DCBLD2: variants seen among roughly 807,000 people sequenced by gnomAD.
DCBLD2 encodes discoidin, CUB and LCCL domain-containing protein 2.
Under a neutral mutation model 86.8 loss-of-function variants are expected in DCBLD2, and 54 were observed. The observed-to-expected ratio is 0.62, with a 90% confidence interval of 0.50 to 0.78. DCBLD2 has a LOEUF of 0.78. Among genes scored for constraint, DCBLD2 ranks in the 30% least tolerant of loss-of-function variants. The probability of loss-of-function intolerance (pLI) is 0.00; values close to 1 mark genes in which losing one functional copy is unlikely to be tolerated. For missense variants in DCBLD2, 908 were observed against 954.2 expected (o/e 0.95, Z 0.64); for synonymous variants, 354 against 341.3 (o/e 1.04, Z -0.41).
At chr3:98,848,124 C>T (rs1367502946) in intron 3 of DCBLD2, among the ~76,000 whole-genome samples, 1 of 152,140 alleles carries the variant, frequency 6.6e-6, no homozygotes, top group Non-Finnish European at 1.5e-5. Context: ...CCTCTCCCAC[C>T]TCCCACCCTC....
intron 1 of DCBLD2, among the ~76,000 whole-genome samples, chr3:98,888,317 A>G (rs186583836): frequency 9.2e-5 from 14 of 152,106 alleles, no homozygotes; most frequent in African/African-American, 3.4e-4. Flanking sequence ...ACAAAACTGA[A>G]TAACATGAAG....
rs773093661 is a variant in DCBLD2, at chr3:98,817,833, A to G, written c.1148T>C (p.Ile383Thr). The G allele has an allele frequency of 1.4e-5, 22 of 1,613,592 alleles. No homozygotes were observed. The highest frequency in any genetic ancestry group is 1.7e-5 in the Non-Finnish European group (20 of 1,179,716). Residue 383 changes from isoleucine (I) to threonine (T), a missense_variant, in exon 9 of 16, where the codon ATC (isoleucine) becomes ACC (threonine). By Grantham distance (89) the Ile-to-Thr change is moderately conservative (BLOSUM62 -1). Coordinates refer to ENST00000326840, the MANE Select transcript of DCBLD2 (RefSeq NM_080927.4). ...EHNYYVSAYR[I>T]LYSDDGQKWT... ...TTTCTGCCCATCATCACTGTACAGG[A>G]TTCTGTAGGCAGACACATAGTAATT... is the stretch of plus-strand genomic sequence containing the variant.
chr3:98,880,882 T>C (rs1943456604), intron 2 of DCBLD2, among the ~76,000 whole-genome samples: 1 of 152,180 alleles, frequency 6.6e-6, no homozygotes, highest in Non-Finnish European at 1.5e-5. Context: ...CTATACTGTC[T>C]CCTAAGCATT....
At position 98,868,684 on chromosome 3, in the gene DCBLD2, C is replaced by G. The variant is rs140125822; in HGVS notation, c.433+12856G>C. 5.3e-3 allele frequency among the ~76,000 whole-genome samples: 812 copies of G among 152,218 alleles called. 7 individuals are homozygous for G. The highest frequency in any genetic ancestry group is 0.019 in the African/African-American group (769 of 41,536). On this transcript the variant is annotated intron_variant, in intron 2 of 15. Coordinates refer to ENST00000326840, the MANE Select transcript of DCBLD2 (RefSeq NM_080927.4). ...TTATTTATCCACAAGGTTAGTCCCC[C>G]CTTGTGAGAACATATGGTACTTGGT... is the stretch of plus-strand genomic sequence containing the variant.
intron 3 of DCBLD2, among the ~76,000 whole-genome samples, chr3:98,840,268 TG>T (rs1367358366): frequency 6.6e-6 from 1 of 152,350 alleles, no homozygotes; most frequent in African/African-American, 2.4e-5. Flanking sequence ...AGTCAGATTC[TG>T]GTACATGTAC....
chr3:98,801,606 G>T lies in DCBLD2; in HGVS notation c.1714C>A (p.Arg572=). 6.2e-7 allele frequency: 1 copy of T among 1,609,256 alleles called. No homozygotes were observed. The highest frequency in any genetic ancestry group is 8.5e-7 in the Non-Finnish European group (1 of 1,177,484). ...EGTYDLPYWD[R]AGWWKGMKQF... ...CAAAGACCACGTGAGTTACCTGCCC[G>T]GTCCCAGTAAGGTAAGTCATAGGTG... is the stretch of plus-strand genomic sequence containing the variant. The change falls in exon 14 of 16, where the codon CGG becomes AGG. Residue 572 remains arginine (R), a synonymous_variant. Coordinates refer to ENST00000326840, the MANE Select transcript of DCBLD2 (RefSeq NM_080927.4).
intron 2 of DCBLD2, among the ~76,000 whole-genome samples, chr3:98,866,296 C>A (rs1004045185): frequency 6.6e-6 from 1 of 152,198 alleles, no homozygotes; most frequent in African/African-American, 2.4e-5. Flanking sequence ...CTGTCTTCCA[C>A]AATGGTTGAA....
rs370663589 is a variant in DCBLD2, at chr3:98,838,608, G to A, written c.571+10853C>T. 3.6e-4 allele frequency among the ~76,000 whole-genome samples: 54 copies of A among 151,688 alleles called. No individual in the cohort carries two copies. The East Asian group carries it at 7.5e-3, about 21-fold the overall frequency. ...GCTCCTCACATCCCAGACGATGGGC[G>A]GCCAGGCAGAGACACTCTTCACTTC... On this transcript the variant is annotated intron_variant, in intron 3 of 15. Transcript: ENST00000326840.
chr3:98,811,329 A>G lies in DCBLD2; in HGVS notation c.1451-10T>C. On this transcript the variant is annotated splice_polypyrimidine_tract_variant and intron_variant, in intron 11 of 15. Transcript: ENST00000326840. ...AATTTTGGGGCACGACCTTTAAAAAAGTTTCAAAAGCTCTTTACTTTTTAA... is the reference window on the plus strand; with the variant it reads ...AATTTTGGGGCACGACCTTTAAAAAGGTTTCAAAAGCTCTTTACTTTTTAA... 1 of 1,609,772 alleles carries G rather than the reference A, an allele frequency of 6.2e-7. No individual in the cohort carries two copies. Among genetic ancestry groups the G allele is most frequent in the Non-Finnish European group, 8.5e-7 (1 of 1,178,686 alleles).
At chr3:98,838,151 C>CT (rs1224221356) in intron 3 of DCBLD2, among the ~76,000 whole-genome samples, 6 of 128,304 alleles carry the variant, frequency 4.7e-5, no homozygotes, top group South Asian at 2.8e-4. Flanking sequence ...GGGCTGACCC[C>CT]CCCCACCTCC....
intron 3 of DCBLD2, among the ~76,000 whole-genome samples, chr3:98,839,646 T>C (rs1942583165): frequency 6.6e-6 from 1 of 152,190 alleles, no homozygotes; most frequent in Admixed American, 6.5e-5. Context: ...TTAATAAGCA[T>C]GTGTTATGAC....
intron 15 of DCBLD2, 104 bp from the exon 16 acceptor site, chr3:98,799,945 A>G (rs2107415137): frequency 1.4e-5 from 14 of 1,011,124 alleles, no homozygotes; most frequent in Non-Finnish European, 2.0e-5. Flanking sequence ...ATTCTTTAGG[A>G]TACTTTTGTT....
rs1941668855 is a variant in DCBLD2 at position 98,799,245 on chromosome 3, TCAC to T, written c.*124_*126del. Reference sequence around the variant, plus strand: ...AGATTAGTAGTTTCCTGTACCTCAGTCACCACATTTTCCCCAACCACTTCAGTG... The same window carrying T: ...AGATTAGTAGTTTCCTGTACCTCAGTCACATTTTCCCCAACCACTTCAGTG... On this transcript the variant is annotated 3_prime_UTR_variant, in exon 16 of 16. Transcript: ENST00000326840. 43 of 1,020,892 alleles carry T rather than the reference TCAC, an allele frequency of 4.2e-5. No homozygotes were observed. The highest frequency in any genetic ancestry group is 2.4e-4 in the South Asian group (14 of 59,070). 63.2% of individuals were successfully genotyped at this position (1,020,892 alleles called of 1,614,324 possible). A position where few individuals can be genotyped will look rare whatever the true frequency, so the allele number is the denominator to read the frequency against.
chr3:98,870,633 A>C lies in DCBLD2; in HGVS notation c.433+10907T>G, dbSNP rs1283108969. On this transcript the variant is annotated intron_variant, in intron 2 of 15. Transcript: ENST00000326840. ...AAAGGAAAGGGAAAGGGAAAGGGAA[A>C]TGGAAGGAAGAAGAGATAGAGAAAG... Among the ~76,000 whole-genome samples, 3 of 149,778 alleles carry C rather than the reference A, an allele frequency of 2.0e-5. No individual in the cohort carries two copies. The East Asian group carries it at 5.8e-4, about 29-fold the overall frequency.
Position 98,870,749 on chromosome 3 carries a change from G to GAAAGA in DCBLD2, c.433+10786_433+10790dup, listed in dbSNP as rs1553731662. On this transcript the variant is annotated intron_variant, in intron 2 of 15. Coordinates refer to ENST00000326840, the MANE Select transcript of DCBLD2 (RefSeq NM_080927.4). Reference sequence around the variant, plus strand: ...AAGAAAAGAAAGAAAAAGAAAGAAAGAAAGAAAGAAAGAAAGAAAGAAAGA... The same window carrying GAAAGA: ...AAGAAAAGAAAGAAAAAGAAAGAAAGAAAGAAAAGAAAGAAAGAAAGAAAGAAAGA... Among the ~76,000 whole-genome samples, 18 of 111,204 alleles carry GAAAGA rather than the reference G, an allele frequency of 1.6e-4. 1 individual carries two copies. Among genetic ancestry groups the GAAAGA allele is most frequent in the African/African-American group, 6.6e-4 (18 of 27,318 alleles). 73.0% of individuals were successfully genotyped at this position (111,204 alleles called of 152,430 possible). A position where few individuals can be genotyped will look rare whatever the true frequency, so the allele number is the denominator to read the frequency against.
chr3:98,864,559 A>G (rs1228375947), intron 2 of DCBLD2, among the ~76,000 whole-genome samples: 2 of 152,246 alleles, frequency 1.3e-5, no homozygotes, highest in African/African-American at 2.4e-5. Context: ...TTGTAGGGAC[A>G]TGGATGAAGC....
At chr3:98,875,031 C>T (rs1199155922) in intron 2 of DCBLD2, among the ~76,000 whole-genome samples, 1 of 152,190 alleles carries the variant, frequency 6.6e-6, no homozygotes, top group East Asian at 1.9e-4. Flanking sequence ...CTCTCCACTA[C>T]TGTTTAACGT....
rs1454212923 is a variant in DCBLD2 at position 98,859,354 on chromosome 3, G to C, written c.434-9756C>G. Among the ~76,000 whole-genome samples the C allele has an allele frequency of 2.0e-5, 3 of 152,334 alleles. No individual in the cohort carries two copies. The East Asian group carries it at 5.8e-4, about 29-fold the overall frequency. ...AACCTCTACAGACTTAAATGTCCCT[G>C]TCTGACAGCTTTGAAGAGAGTAGTG... On this transcript the variant is annotated intron_variant, in intron 2 of 15. Coordinates refer to ENST00000326840, the MANE Select transcript of DCBLD2 (RefSeq NM_080927.4).
chr3:98,889,761 C>T (rs2439226), intron 1 of DCBLD2, among the ~76,000 whole-genome samples: 65,824 of 151,870 alleles, frequency 0.43, 14,444 homozygotes, highest in African/African-American at 0.46. Flanking sequence ...CTGATTCCCT[C>T]ATTAATGAAT....
Sources: gnomAD v4.1 joint callset for allele counts (sites outside exome capture counted in the v4.1 genomes callset) on GRCh38, gnomAD v4.1.1 for gene constraint, MANE v1.5 for transcripts, NCBI Gene and HGNC (gene_info 2026-07-23, HGNC 2026-07-21) for gene names.